The following WDR19 variants were observed in gnomAD, a reference collection of about 807,000 sequenced individuals.
WDR19 encodes the protein WD repeat domain 19, also known as WD repeat-containing protein 19.
Under a neutral mutation model 180.0 loss-of-function variants are expected in WDR19, and 121 were observed. That is an observed-to-expected ratio of 0.67 (90% CI 0.58 to 0.78). The LOEUF is 0.78. WDR19 is among the 30% of genes least tolerant of loss of function. The probability of loss-of-function intolerance (pLI) is 0.00; values close to 1 mark genes in which losing one functional copy is unlikely to be tolerated. For missense variants in WDR19, 1,450 were observed against 1,640.7 expected (o/e 0.88, Z 2.01); for synonymous variants, 497 against 540.7 (o/e 0.92, Z 1.12).
chr4:39,203,855 G>A (rs764912519), intron 7 of WDR19, 133 bp downstream of exon 7: 5 of 875,148 alleles, frequency 5.7e-6, no homozygotes, highest in African/African-American at 5.0e-5. Flanking sequence ...CCAAGGTAGA[G>A]CTAGGTCTTT....
intron 9 of WDR19, among the ~76,000 whole-genome samples, chr4:39,206,499 A>G (rs1475319176): frequency 2.0e-5 from 3 of 152,290 alleles, no homozygotes; most frequent in African/African-American, 7.2e-5. Context: ...AAGTGCTCAT[A>G]CAGTGTGGGA....
intron 28 of WDR19, among the ~76,000 whole-genome samples, chr4:39,258,114 A>G (rs550133496): frequency 2.0e-5 from 3 of 152,226 alleles, no homozygotes; most frequent in Admixed American, 2.0e-4. Flanking sequence ...AGCATTATGT[A>G]TGCAAATGTG....
chr4:39,244,420 G>T (rs1732288496), intron 22 of WDR19, 32 bp downstream of exon 22: 1 of 1,613,672 alleles, frequency 6.2e-7, no homozygotes, highest in African/African-American at 1.3e-5. Context: ...TATACATGTG[G>T]TCTTTTATAC....
At chr4:39,247,103 C>A (rs543738375) in intron 24 of WDR19, among the ~76,000 whole-genome samples, 1 of 152,212 alleles carries the variant, frequency 6.6e-6, no homozygotes, top group Non-Finnish European at 1.5e-5. Flanking sequence ...AGGCACCCCC[C>A]AGTAGGGGCG....
chr4:39,247,822 C>T (rs1373944356), intron 24 of WDR19, among the ~76,000 whole-genome samples: 11 of 150,270 alleles, frequency 7.3e-5, no homozygotes, highest in South Asian at 2.1e-4. Context: ...TAAAAAGAAA[C>T]GAACAAAGCC....
At chr4:39,279,209 T>C (rs574653934) in intron 36 of WDR19, among the ~76,000 whole-genome samples, 1 of 152,336 alleles carries the variant, frequency 6.6e-6, no homozygotes, top group East Asian at 1.9e-4. Flanking sequence ...CTCAGGATAT[T>C]CTTTTACCAA....
intron 17 of WDR19, among the ~76,000 whole-genome samples, chr4:39,230,016 G>C (rs955604190): frequency 4.6e-5 from 7 of 152,102 alleles, no homozygotes; most frequent in African/African-American, 1.7e-4. Context: ...TAACTGCTCT[G>C]TCTGCCAATA....
At chr4:39,271,578 A>G (rs1051179052) in intron 31 of WDR19, among the ~76,000 whole-genome samples, 1 of 152,218 alleles carries the variant, frequency 6.6e-6, no homozygotes, top group Non-Finnish European at 1.5e-5. Context: ...CTAAAAAAAG[A>G]CACAATACAA....
chr4:39,206,700 C>T (rs1045452757), intron 9 of WDR19, among the ~76,000 whole-genome samples: 1 of 152,168 alleles, frequency 6.6e-6, no homozygotes, highest in African/African-American at 2.4e-5. Flanking sequence ...TAAACATATA[C>T]CAAAGACCCT....
chr4:39,222,017 G>T (rs1324086203), intron 14 of WDR19, among the ~76,000 whole-genome samples: 1 of 152,080 alleles, frequency 6.6e-6, no homozygotes, highest in Non-Finnish European at 1.5e-5. Context: ...TCTCTAAATC[G>T]GTTGTACCAT....
At chr4:39,259,072 AAAG>A (rs1267094940) in intron 28 of WDR19, among the ~76,000 whole-genome samples, 3 of 152,228 alleles carry the variant, frequency 2.0e-5, no homozygotes, top group Non-Finnish European at 4.4e-5. Context: ...CCATCTCAAA[AAAG>A]AAAAAAAACA....
At chr4:39,192,162 A>G (rs1475435576) in intron 4 of WDR19, among the ~76,000 whole-genome samples, 1 of 152,174 alleles carries the variant, frequency 6.6e-6, no homozygotes, top group African/African-American at 2.4e-5. Context: ...GACTAATGTT[A>G]TATTTATCTT....
chr4:39,228,332 T>C lies in WDR19; in HGVS notation c.1752T>C (p.Tyr584=), dbSNP rs139391186. 1.4e-5 allele frequency: 23 copies of C among 1,611,722 alleles called. No individual in the cohort carries two copies. The Admixed American group carries it at 1.5e-4, about 11-fold the overall frequency. ...IAYDDDKVYT[Y]VFHKDTIQGA... is the part of the protein sequence containing the mutation. ...ATGATGATGATAAGGTGTACACTTATGTCTTTCACAAGGACACTATACAAG... is the reference window on the plus strand; with the variant it reads ...ATGATGATGATAAGGTGTACACTTACGTCTTTCACAAGGACACTATACAAG... The change falls in exon 16 of 37, where the codon TAT becomes TAC. Residue 584 remains tyrosine, a synonymous_variant. Transcript: ENST00000399820.
chr4:39,261,113 C>A (rs1734246049), intron 28 of WDR19, among the ~76,000 whole-genome samples: 1 of 151,422 alleles, frequency 6.6e-6, no homozygotes, highest in South Asian at 2.1e-4. Context: ...CCTGCCTCAG[C>A]CCCTTGAGTT....
At chr4:39,242,992 A>T (rs1732125710) in intron 21 of WDR19, among the ~76,000 whole-genome samples, 1 of 152,200 alleles carries the variant, frequency 6.6e-6, no homozygotes, top group South Asian at 2.1e-4. Context: ...TAAAAATAAA[A>T]AATTAGCTGG....
rs767572787 is a variant in WDR19, at chr4:39,228,329, T to G, written c.1749T>G (p.Thr583=). The G allele has an allele frequency of 6.8e-6, 11 of 1,611,394 alleles. No individual in the cohort carries two copies. The South Asian group carries it at 1.2e-4, about 18-fold the overall frequency. ...FIAYDDDKVY[T]YVFHKDTIQG... is the part of the protein sequence containing the mutation. Reference sequence around the variant, plus strand: ...CTTATGATGATGATAAGGTGTACACTTATGTCTTTCACAAGGACACTATAC... The same window carrying G: ...CTTATGATGATGATAAGGTGTACACGTATGTCTTTCACAAGGACACTATAC... Residue 583 remains threonine (T), a synonymous_variant, in exon 16 of 37, where the codon ACT becomes ACG. Coordinates refer to ENST00000399820, the MANE Select transcript of WDR19 (RefSeq NM_025132.4).
chr4:39,232,368 T>G, intron 19 of WDR19, 96 bp downstream of exon 19: 1 of 996,398 alleles, frequency 1.0e-6, no homozygotes, highest in East Asian at 2.4e-5. Flanking sequence ...CTCACGCCTC[T>G]AATTCCAGCA....
chr4:39,276,961 T>C (rs1735961956), intron 33 of WDR19, 59 bp from the exon 34 acceptor site: 4 of 1,602,332 alleles, frequency 2.5e-6, no homozygotes, highest in Admixed American at 1.7e-5. Flanking sequence ...GCTTTCTCTT[T>C]GCCATCCCCG....
At chr4:39,256,199 C>T (rs1578007175) in intron 27 of WDR19, among the ~76,000 whole-genome samples, 1 of 152,198 alleles carries the variant, frequency 6.6e-6, no homozygotes, top group South Asian at 2.1e-4. Flanking sequence ...TCAATCCAGG[C>T]CCAGATGACC....
Sources: gnomAD v4.1 joint callset for allele counts (sites outside exome capture counted in the v4.1 genomes callset) on GRCh38, gnomAD v4.1.1 for gene constraint, MANE v1.5 for transcripts, NCBI Gene and HGNC (gene_info 2026-07-23, HGNC 2026-07-21) for gene names.